Variants in SNX8 observed in about 807,000 individuals in gnomAD.
SNX8 encodes sorting nexin-8.
In SNX8, 25 loss-of-function variants were observed where a neutral mutation model predicts 51.6. The ratio of observed to expected loss-of-function variants is 0.48; its 90% CI spans 0.35 to 0.68. The LOEUF (loss-of-function observed/expected upper bound fraction) is 0.68, where lower values mean the gene tolerates loss of function less well. Among genes scored for constraint, SNX8 ranks in the 30% least tolerant of loss-of-function variants. The probability of loss-of-function intolerance (pLI) is 0.00; values close to 1 mark genes in which losing one functional copy is unlikely to be tolerated. For missense variants in SNX8, 695 were observed against 624.0 expected (o/e 1.11, Z -1.21); for synonymous variants, 324 against 277.0 (o/e 1.17, Z -1.68).
intron 10 of SNX8, 97 bp from the exon 11 acceptor site, chr7:2,255,266 G>T (rs1011867964): frequency 2.6e-6 from 2 of 782,064 alleles, no homozygotes; most frequent in African/African-American, 3.5e-5. Flanking sequence ...GACAGGGAGG[G>T]AGGGGCCCTC....
chr7:2,325,763 C>T (rs1281846700), intron 1 of SNX8, among the ~76,000 whole-genome samples: 1 of 152,008 alleles, frequency 6.6e-6, no homozygotes, highest in South Asian at 2.1e-4. Context: ...ACTTGGGAGG[C>T]GGAGACTGCA....
chr7:2,328,063 GT>G (rs1778658674), intron 1 of SNX8, among the ~76,000 whole-genome samples: 1 of 151,078 alleles, frequency 6.6e-6, no homozygotes, highest in Admixed American at 6.6e-5. Context: ...TTGTTTGTTT[GT>G]TTTGAGATGG....
chr7:2,334,853 G>T (rs188016272), intron 1 of SNX8, among the ~76,000 whole-genome samples: 1 of 114,242 alleles, frequency 8.8e-6, no homozygotes. Context: ...AGGCAACAGA[G>T]TAAGAGCCCA....
intron 1 of SNX8, among the ~76,000 whole-genome samples, chr7:2,302,620 C>G (rs1236674245): frequency 1.3e-5 from 2 of 150,482 alleles, no homozygotes; most frequent in East Asian, 3.9e-4. Flanking sequence ...AAGTGAGGAG[C>G]GTCTCTGCCC....
At chr7:2,315,680 A>C (rs1796742120), upstream of SNX8, among the ~76,000 whole-genome samples, 2 of 142,460 alleles carry the variant, frequency 1.4e-5, no homozygotes, top group African/African-American at 2.7e-5. Context: ...TCACCAACCC[A>C]CTCACTGCAT....
intron 1 of SNX8, among the ~76,000 whole-genome samples, chr7:2,298,215 T>C (rs1796314864): frequency 6.6e-6 from 1 of 152,030 alleles, no homozygotes; most frequent in Non-Finnish European, 1.5e-5. Context: ...ACTCCCAGGC[T>C]CTAGTGATCT....
At chr7:2,310,101 G>A (rs1796631952) in intron 1 of SNX8, among the ~76,000 whole-genome samples, 1 of 152,176 alleles carries the variant, frequency 6.6e-6, no homozygotes, top group African/African-American at 2.4e-5. Flanking sequence ...ATACGGCAGA[G>A]CCAGGATACG....
chr7:2,349,236 G>A lies in SNX8; in HGVS notation c.-66+4986C>T, dbSNP rs975743212. On this transcript the variant is annotated intron_variant, in intron 1 of 5. Coordinates refer to the SNX8 transcript ENST00000435336. Reference sequence around the variant, plus strand: ...AAAAAAAAAAAAGTAAAAAAAATGCGTAATATTATAGTAAAGTGTACATAA... The same window carrying A: ...AAAAAAAAAAAAGTAAAAAAAATGCATAATATTATAGTAAAGTGTACATAA... Among the ~76,000 whole-genome samples, 10 of 151,106 alleles carry A rather than the reference G, an allele frequency of 6.6e-5. No individual in the cohort carries two copies. In the South Asian group the frequency reaches 1.0e-3, roughly 16 times the overall value.
At chr7:2,314,269 G>C (rs1584733990) in intron 1 of SNX8, 59 bp downstream of exon 1, 1 of 1,212,538 alleles carries the variant, frequency 8.2e-7, no homozygotes, top group African/African-American at 1.6e-5. Flanking sequence ...CCCGTCCGCC[G>C]GGGGTGGTCG....
intron 2 of SNX8, among the ~76,000 whole-genome samples, chr7:2,276,400 C>A (rs867023922): frequency 1.3e-5 from 2 of 152,216 alleles, no homozygotes; most frequent in African/African-American, 4.8e-5. Context: ...CCCTCTGACC[C>A]GCTTTGTCCT....
chr7:2,339,760 T>A (rs925349949), intron 1 of SNX8, among the ~76,000 whole-genome samples: 2 of 152,124 alleles, frequency 1.3e-5, no homozygotes, highest in African/African-American at 4.8e-5. Context: ...GAAATTATTA[T>A]GCTATAATAT....
intron 1 of SNX8, among the ~76,000 whole-genome samples, chr7:2,344,658 C>A (rs186677878): frequency 4.6e-5 from 7 of 151,830 alleles, no homozygotes; most frequent in Admixed American, 3.9e-4. Flanking sequence ...GTGGCTCACA[C>A]CTGTAATCCC....
intron 1 of SNX8, among the ~76,000 whole-genome samples, chr7:2,304,116 G>A (rs1295120715): frequency 6.7e-5 from 10 of 148,580 alleles, no homozygotes; most frequent in African/African-American, 1.2e-4. Context: ...GCAGTGAGCC[G>A]AGACTGTGCC....
chr7:2,263,249 G>T lies in SNX8; in HGVS notation c.896C>A (p.Ala299Asp). ...KGLSVEFALL[A>D]DKAAQQGKQE... The stretch of plus-strand genomic sequence containing the variant: ...ACTCACCTGTTGTGCAGCCTTGTCG[G>T]CGAGCAGCGCGAATTCCACAGACAG... Residue 299 changes from alanine (A) to aspartate (D), a missense_variant, in exon 7 of 11, where the codon GCC (alanine) becomes GAC (aspartate). Physicochemically the swap from Ala to Asp is moderately radical, Grantham distance 126. Transcript: ENST00000222990. 1 of 1,613,930 alleles carries T rather than the reference G, an allele frequency of 6.2e-7. No homozygotes were observed. Among genetic ancestry groups the T allele is most frequent in the Non-Finnish European group, 8.5e-7 (1 of 1,180,020 alleles).
chr7:2,304,166 CAAAA>C (rs554309852), intron 1 of SNX8, among the ~76,000 whole-genome samples: 4 of 76,554 alleles, frequency 5.2e-5, no homozygotes, highest in Admixed American at 1.5e-4. Flanking sequence ...GACTCCGTCT[CAAAA>C]AAAAAAAAAA....
chr7:2,337,784 G>A (rs2115242618), intron 1 of SNX8, among the ~76,000 whole-genome samples: 1 of 142,030 alleles, frequency 7.0e-6, no homozygotes, highest in South Asian at 2.2e-4. Flanking sequence ...AAACAAGTAT[G>A]CAAAAGACCT....
chr7:2,335,371 G>A (rs758380499), intron 1 of SNX8, among the ~76,000 whole-genome samples: 1 of 152,062 alleles, frequency 6.6e-6, no homozygotes, highest in Non-Finnish European at 1.5e-5. Context: ...CATGCTAGCC[G>A]GGCGTGGTGG....
intron 7 of SNX8, among the ~76,000 whole-genome samples, chr7:2,261,907 CG>C (rs1247222295): frequency 6.6e-6 from 1 of 152,246 alleles, no homozygotes; most frequent in Non-Finnish European, 1.5e-5. Context: ...TCAGGAGCTC[CG>C]GGGCTCAGGG....
At chr7:2,315,873 TTCAC>T (rs140308021), upstream of SNX8, among the ~76,000 whole-genome samples, 37,410 of 145,642 alleles carry the variant, frequency 0.26, 5,295 homozygotes, top group Middle Eastern at 0.45. Context: ...CCTGCATTCA[TTCAC>T]TCACTCACTA....
Sources: gnomAD v4.1 joint callset for allele counts (sites outside exome capture counted in the v4.1 genomes callset) on GRCh38, gnomAD v4.1.1 for gene constraint, MANE v1.5 for transcripts, NCBI Gene and HGNC (gene_info 2026-07-23, HGNC 2026-07-21) for gene names.